Variants in TEAD2 observed in about 807,000 individuals in gnomAD.
TEAD2 encodes the protein transcriptional enhancer factor TEF-4.
A neutral mutation model predicts 61.4 loss-of-function variants in TEAD2; 51 were observed. That is an observed-to-expected ratio of 0.83 (90% CI 0.66 to 1.05). The LOEUF (loss-of-function observed/expected upper bound fraction) is 1.05, where lower values mean the gene tolerates loss of function less well. Among genes scored for constraint, TEAD2 ranks in the 50% least tolerant of loss-of-function variants. TEAD2 has a pLI of 0.00. For missense variants in TEAD2, 509 were observed against 600.0 expected, an observed-to-expected ratio of 0.85 and a Z score of 1.58; for synonymous variants, 244 against 243.2, an observed-to-expected ratio of 1.00 and a Z score of -0.03.
At chr19:49,354,662 G>C (rs1041467434) in intron 7 of TEAD2, among the ~76,000 whole-genome samples, 1 of 151,970 alleles carries the variant, frequency 6.6e-6, no homozygotes, top group Non-Finnish European at 1.5e-5. Context: ...CTGAACCTAA[G>C]AGAAGATTAA....
chr19:49,358,943 A>T (rs1029167943), intron 3 of TEAD2, among the ~76,000 whole-genome samples: 3 of 152,034 alleles, frequency 2.0e-5, no homozygotes, highest in Non-Finnish European at 4.4e-5. Context: ...TCAATTATCC[A>T]GCCTTGCCAG....
Position 49,355,390 on chromosome 19 carries a change from C to T in TEAD2, c.402G>A (p.Gln134=). 1 of 1,614,158 alleles carries T rather than the reference C, an allele frequency of 6.2e-7. No individual in the cohort carries two copies. The highest frequency in any genetic ancestry group is 8.5e-7 in the Non-Finnish European group (1 of 1,180,042). ...GGGCAGAGGACATGGTTGCCATTGT[C>T]TGGAAAGCCTTGTCCTTGGAAACCT... ...VDQVSKDKAF[Q]TMATMSSAQL... The change falls in exon 6 of 13, where the codon CAG becomes CAA. Residue 134 remains glutamine, a synonymous_variant. Coordinates refer to ENST00000593945, the MANE Select transcript of TEAD2 (RefSeq NM_001256660.2).
chr19:49,341,091 A>G lies in TEAD2; in HGVS notation c.*233T>C, dbSNP rs1971230160. On this transcript the variant is annotated 3_prime_UTR_variant, in exon 13 of 13. Coordinates refer to ENST00000593945, the MANE Select transcript of TEAD2 (RefSeq NM_001256660.2). This position sits in a 1 kb window ranked among gnomAD's most constrained non-coding sequence, Gnocchi z 4.2. ...GAGTGATCTGTCCTTTCAGACACCC[A>G]CTGTGAGGTCCCAATATCGGGGTTT... 6.1e-6 allele frequency: 3 copies of G among 494,542 alleles called. No homozygotes were observed. The highest frequency in any genetic ancestry group is 1.1e-5 in the Non-Finnish European group (3 of 271,666). 30.6% of individuals were successfully genotyped at this position (494,542 alleles called of 1,614,324 possible). A position where few individuals can be genotyped will look rare whatever the true frequency, so the allele number is the denominator to read the frequency against.
Position 49,341,367 on chromosome 19 carries a change from T to C in TEAD2, c.1313A>G (p.Glu438Gly), listed in dbSNP as rs1451945223. 3 of 1,613,942 alleles carry C rather than the reference T, an allele frequency of 1.9e-6. No homozygotes were observed. In the African/African-American group the frequency reaches 4.0e-5, roughly 22 times the overall value. The change falls in exon 13 of 13, where the codon GAG (glutamate) becomes GGG (glycine). Residue 438 changes from glutamate to glycine, a missense_variant. By Grantham distance (98) the Glu-to-Gly change is moderately conservative. Coordinates refer to ENST00000593945, the MANE Select transcript of TEAD2 (RefSeq NM_001256660.2). This position sits in a 1 kb window ranked among gnomAD's most constrained non-coding sequence, Gnocchi z 4.2. Reference protein sequence around the residue: ...TAYVFEVSTSERGAQHHIYRL... With the variant: ...TAYVFEVSTSGRGAQHHIYRL... Reference sequence around the variant, plus strand: ...GTAAATGTGATGCTGGGCCCCACGCTCGCTGGTGGAGACCTCGAAGACATA... The same window carrying C: ...GTAAATGTGATGCTGGGCCCCACGCCCGCTGGTGGAGACCTCGAAGACATA...
At chr19:49,349,283 G>GAAACCCTGTCTCTACTAAAAAT (rs1971849873) in intron 8 of TEAD2, among the ~76,000 whole-genome samples, 1 of 152,122 alleles carries the variant, frequency 6.6e-6, no homozygotes, top group Non-Finnish European at 1.5e-5. Context: ...CTAACATGGT[G>GAAACCCTGTCTCTACTAAAAAT]AAACCCTGTC....
rs1971419712 is a variant in TEAD2 at position 49,343,323 on chromosome 19, C to T, written c.997G>A (p.Val333Met). 1 of 1,614,012 alleles carries T rather than the reference C, an allele frequency of 6.2e-7. No homozygotes were observed. The highest frequency in any genetic ancestry group is 8.5e-7 in the Non-Finnish European group (1 of 1,180,000). The change falls in exon 11 of 13, where the codon GTG becomes ATG. Residue 333 changes from valine to methionine, a missense_variant. Physicochemically the swap from Val to Met is conservative, Grantham distance 21. Transcript: ENST00000593945. Reference protein sequence around the residue: ...GSISSGGFYGVSSQYESLEHM... With the variant: ...GSISSGGFYGMSSQYESLEHM... ...TCCAGGCTCTCATACTGGCTGCTCACTCCGTAGAAGCCACCACTGCTGATG... is the reference window on the plus strand; with the variant it reads ...TCCAGGCTCTCATACTGGCTGCTCATTCCGTAGAAGCCACCACTGCTGATG...
At position 49,359,655 on chromosome 19, in the gene TEAD2, G is replaced by T. The variant is rs752393273; in HGVS notation, c.233-156C>A. Among the ~76,000 whole-genome samples, 4 of 152,150 alleles carry T rather than the reference G, an allele frequency of 2.6e-5. No individual in the cohort carries two copies. Among genetic ancestry groups the T allele is most frequent in the Admixed American group, 6.6e-5 (1 of 15,262 alleles). The stretch of plus-strand genomic sequence containing the variant: ...GCTACGTGGAAGCCAGACTGCTTGG[G>T]TTCAAATCCCAGCTCCATCACGCAC... On this transcript the variant is annotated intron_variant, in intron 2 of 12. Coordinates refer to ENST00000593945, the MANE Select transcript of TEAD2 (RefSeq NM_001256660.2). This position sits in a 1 kb window ranked among gnomAD's most constrained non-coding sequence, Gnocchi z 4.1.
At chr19:49,353,381 G>A (rs1055499014) in intron 7 of TEAD2, among the ~76,000 whole-genome samples, 8 of 151,404 alleles carry the variant, frequency 5.3e-5, no homozygotes, top group African/African-American at 1.7e-4. Flanking sequence ...TTACAGATGC[G>A]GGCCACCATG....
chr19:49,341,153 C>A lies in TEAD2; in HGVS notation c.*171G>T. 1.6e-6 allele frequency: 1 copy of A among 607,574 alleles called. No individual in the cohort carries two copies. The highest frequency in any genetic ancestry group is 2.0e-5 in the South Asian group (1 of 51,022). The allele number at this position is 607,574 out of a possible 1,614,324, so 37.6% of individuals were successfully genotyped here. ...AGTCCCAGCCTGTTCAGCTCTCCAA[C>A]CAAGTTTTGGGGGCCCCTCTAATGG... is the stretch of plus-strand genomic sequence containing the variant. On this transcript the variant is annotated 3_prime_UTR_variant, in exon 13 of 13. Transcript: ENST00000593945. This position sits in a 1 kb window ranked among gnomAD's most constrained non-coding sequence, Gnocchi z 4.2.
chr19:49,355,468 T>C, intron 5 of TEAD2, 49 bp from the exon 6 acceptor site: 4 of 1,509,448 alleles, frequency 2.6e-6, no homozygotes, highest in Non-Finnish European at 3.7e-6. Context: ...TCAGTCAACA[T>C]GGCAAGAGGG....
chr19:49,361,207 G>GACCCAGAGAGAGAGGGGA (rs1972887362), intron 1 of TEAD2, among the ~76,000 whole-genome samples: 1 of 100,116 alleles, frequency 1.0e-5, no homozygotes, highest in Non-Finnish European at 1.8e-5. Flanking sequence ...CAGAGAGGGA[G>GACCCAGAGAGAGAGGGGA]ACAGAGACCC....
intron 4 of TEAD2, among the ~76,000 whole-genome samples, chr19:49,356,794 C>T (rs1824682769): frequency 6.6e-6 from 1 of 151,954 alleles, no homozygotes; most frequent in African/African-American, 2.4e-5. Flanking sequence ...CTCCTCCATG[C>T]CATCGCTCCC....
intron 1 of TEAD2, chr19:49,360,306 C>A (rs1360494747): frequency 7.1e-6 from 4 of 562,638 alleles, no homozygotes; most frequent in Non-Finnish European, 1.3e-5. Context: ...GGGGCCCGGA[C>A]TCCTAGGACT....
At chr19:49,342,066 C>T (rs567867352) in intron 12 of TEAD2, among the ~76,000 whole-genome samples, 131 of 152,238 alleles carry the variant, frequency 8.6e-4, no homozygotes, top group African/African-American at 2.9e-3. Context: ...GTGGGGCGTG[C>T]CTGTAATCCC....
chr19:49,351,268 G>C, intron 8 of TEAD2, 33 bp downstream of exon 8: 2 of 1,597,456 alleles, frequency 1.3e-6, no homozygotes, highest in Non-Finnish European at 1.7e-6. Flanking sequence ...GAGAGAGAGG[G>C]GAGACAAGGG....
At chr19:49,352,391 G>T (rs1391583676) in intron 7 of TEAD2, among the ~76,000 whole-genome samples, 1 of 152,186 alleles carries the variant, frequency 6.6e-6, no homozygotes, top group Non-Finnish European at 1.5e-5. Flanking sequence ...AGTAGCCCAA[G>T]AGATAGTGGT....
At chr19:49,342,184 T>G (rs967924851) in intron 12 of TEAD2, among the ~76,000 whole-genome samples, 2 of 150,646 alleles carry the variant, frequency 1.3e-5, no homozygotes, top group East Asian at 3.9e-4. Context: ...AGAGCGAGAC[T>G]CCATCTCAAA....
Position 49,340,930 on chromosome 19 carries a change from G to C in TEAD2, c.*394C>G. ...AGGGGTGGCTGGGAAAAAGTAAAGG[G>C]GACAAGCCAATGTGTAACTAGCGCT... On this transcript the variant is annotated 3_prime_UTR_variant, in exon 13 of 13. Transcript: ENST00000593945. 4.9e-6 allele frequency: 1 copy of C among 205,392 alleles called. No individual in the cohort carries two copies. The highest frequency in any genetic ancestry group is 1.0e-5 in the Non-Finnish European group (1 of 100,170). The allele number at this position is 205,392 out of a possible 1,614,324, so 12.7% of individuals were successfully genotyped here. A position where few individuals can be genotyped will look rare whatever the true frequency, so the allele number is the denominator to read the frequency against.
intron 10 of TEAD2, among the ~76,000 whole-genome samples, chr19:49,345,672 C>T (rs1379098026): frequency 6.6e-6 from 1 of 152,044 alleles, no homozygotes; most frequent in Non-Finnish European, 1.5e-5. Flanking sequence ...TTCTCAGAGA[C>T]TAGATCCCTC....
Sources: allele counts gnomAD v4.1 joint callset (sites outside exome capture counted in the v4.1 genomes callset), GRCh38; gene constraint gnomAD v4.1.1; non-coding constraint Gnocchi (gnomAD v3.1); transcripts MANE v1.5; gene names NCBI Gene and HGNC (gene_info 2026-07-23, HGNC 2026-07-21).